The following PPFIA2 variants were observed in gnomAD, a reference collection of about 807,000 sequenced individuals.
The protein encoded by PPFIA2 is liprin-alpha-2.
A neutral mutation model predicts 175.5 loss-of-function variants in PPFIA2; 46 were observed. The ratio of observed to expected loss-of-function variants is 0.26; its 90% confidence interval spans 0.21 to 0.34. The LOEUF (loss-of-function observed/expected upper bound fraction) is 0.34, where lower values mean the gene tolerates loss of function less well. Among genes scored for constraint, PPFIA2 ranks in the 10% least tolerant of loss-of-function variants. The probability of loss-of-function intolerance (pLI) is 1.00; values close to 1 mark genes in which losing one functional copy is unlikely to be tolerated. For missense variants in PPFIA2, 1,179 were observed against 1,506.1 expected (o/e 0.78, Z 3.60); for synonymous variants, 568 against 511.4 (o/e 1.11, Z -1.49).
intron 15 of PPFIA2, among the ~76,000 whole-genome samples, chr12:81,361,348 T>G (rs1369690408): frequency 6.6e-6 from 1 of 151,718 alleles, no homozygotes; most frequent in Middle Eastern, 3.2e-3. Flanking sequence ...ACCATCCTCA[T>G]TATAATCATC....
chr12:81,415,213 ATATATATATATATATATATATATATAT>A (rs2044956665), intron 7 of PPFIA2, among the ~76,000 whole-genome samples: 1 of 20,470 alleles, frequency 4.9e-5, no homozygotes, highest in Non-Finnish European at 9.4e-5. Flanking sequence ...AAAAAAAAAT[ATATATATATATATATATATATATATAT>A]ATATATATAT....
chr12:81,571,817 C>T (rs2072598245), intron 4 of PPFIA2, among the ~76,000 whole-genome samples: 1 of 151,858 alleles, frequency 6.6e-6, no homozygotes, highest in Non-Finnish European at 1.5e-5. Context: ...ATAATTTTGT[C>T]CAATGTGACA....
Position 81,277,429 on chromosome 12 carries a change from A to G in PPFIA2, c.3213-15T>C. On this transcript the variant is annotated splice_polypyrimidine_tract_variant and intron_variant, in intron 27 of 32. Coordinates refer to ENST00000549396, the MANE Select transcript of PPFIA2 (RefSeq NM_003625.5). ...GTAAACTTGTTCTTTTTTTTTTATT[A>G]AAAAAAAAAAAACACAGTGAGTCTA... 1.9e-6 allele frequency: 1 copy of G among 534,316 alleles called. No homozygotes were observed. The highest frequency in any genetic ancestry group is 2.7e-6 in the Non-Finnish European group (1 of 376,916). 33.1% of individuals were successfully genotyped at this position (534,316 alleles called of 1,614,324 possible).
chr12:81,739,212 A>G (rs1270503522), intron 3 of PPFIA2, among the ~76,000 whole-genome samples: 1 of 152,052 alleles, frequency 6.6e-6, no homozygotes, highest in East Asian at 1.9e-4. Context: ...TACATTTTTA[A>G]AAAAACAAAT....
In PPFIA2 at chr12:81,277,298, T is replaced by G; in HGVS notation, c.3310+19A>C. ...AACCCCAGAATAAAGGCATTTCATA[T>G]GAAAGAAAGATATATTACCTTTTAT... On this transcript the variant is annotated intron_variant, in intron 28 of 32. Coordinates refer to ENST00000549396, the MANE Select transcript of PPFIA2 (RefSeq NM_003625.5). The G allele has an allele frequency of 2.0e-6, 3 of 1,520,998 alleles. No homozygotes were observed. The highest frequency in any genetic ancestry group is 2.6e-6 in the Non-Finnish European group (3 of 1,135,640). The allele number at this position is 1,520,998 out of a possible 1,614,324, so 94.2% of individuals were successfully genotyped here. A position where few individuals can be genotyped will look rare whatever the true frequency, so the allele number is the denominator to read the frequency against.
At position 81,676,792 on chromosome 12, in the gene PPFIA2, G is replaced by A. The variant is rs147865064; in HGVS notation, c.302C>T (p.Pro101Leu). The A allele has an allele frequency of 1.5e-4, 227 of 1,553,280 alleles. No individual in the cohort carries two copies. In the East Asian group the frequency reaches 2.7e-3, roughly 19 times the overall value. The change falls in exon 4 of 33, where the codon CCG becomes CTG. Residue 101 changes from proline (P) to leucine (L), a missense_variant and splice_region_variant. Physicochemically the swap from Pro to Leu is moderately conservative, Grantham distance 98 (BLOSUM62 -3). Around this residue, in one of 10 missense-constraint regions of PPFIA2, gnomAD observed 128 missense variants for 141.4 expected, o/e 0.91. Transcript: ENST00000549396. ...AATTTAATGAAGAATCTAACTTACCGGTGGATCAGCCCCCTTAGAACCAGC... is the reference window on the plus strand; with the variant it reads ...AATTTAATGAAGAATCTAACTTACCAGTGGATCAGCCCCCTTAGAACCAGC... ...GLAGSKGADPPEFAALTKELN... is the reference protein window; with the variant it reads ...GLAGSKGADPLEFAALTKELN...
intron 4 of PPFIA2, among the ~76,000 whole-genome samples, chr12:81,467,826 C>G (rs1312944949): frequency 6.6e-6 from 1 of 152,166 alleles, no homozygotes; most frequent in Admixed American, 6.5e-5. Flanking sequence ...ACAAGTCTGA[C>G]CAGAATCCAG....
intron 4 of PPFIA2, among the ~76,000 whole-genome samples, chr12:81,506,847 G>A (rs1174366065): frequency 6.6e-6 from 1 of 152,164 alleles, no homozygotes; most frequent in East Asian, 1.9e-4. Context: ...CAGATAATAT[G>A]TATACAGCAG....
At chr12:81,712,776 A>G (rs1029850988) in intron 3 of PPFIA2, among the ~76,000 whole-genome samples, 9 of 150,548 alleles carry the variant, frequency 6.0e-5, no homozygotes, top group African/African-American at 2.2e-4. Context: ...AATCAAGCAC[A>G]AAAAAAGACT....
intron 3 of PPFIA2, among the ~76,000 whole-genome samples, chr12:81,705,456 C>CAAA (rs58602688): frequency 3.6e-5 from 2 of 55,716 alleles, no homozygotes; most frequent in Non-Finnish European, 8.5e-5. Flanking sequence ...GACTAGGTCT[C>CAAA]AAAAAAAAAA....
chr12:81,489,949 C>T (rs527577842), intron 4 of PPFIA2, among the ~76,000 whole-genome samples: 2 of 151,882 alleles, frequency 1.3e-5, no homozygotes, highest in Non-Finnish European at 2.9e-5. Context: ...AAAGTTCTCT[C>T]TCTGTCCATC....
chr12:81,434,686 A>C (rs907874729), intron 7 of PPFIA2, among the ~76,000 whole-genome samples: 1 of 152,128 alleles, frequency 6.6e-6, no homozygotes, highest in African/African-American at 2.4e-5. Context: ...ACCTTCCAGC[A>C]TTAGTGTACT....
At chr12:81,745,299 T>C (rs993158902) in intron 3 of PPFIA2, among the ~76,000 whole-genome samples, 10 of 152,152 alleles carry the variant, frequency 6.6e-5, no homozygotes, top group Non-Finnish European at 1.3e-4. Context: ...CCCTGAAGTC[T>C]GCACTGGAGG....
In PPFIA2 at chr12:81,668,714, T is replaced by G. The variant is rs552183865; in HGVS notation, c.303+8077A>C. Among the ~76,000 whole-genome samples, 4 of 152,068 alleles carry G rather than the reference T, an allele frequency of 2.6e-5. No homozygotes were observed. In the South Asian group the frequency reaches 8.3e-4, roughly 31 times the overall value. On this transcript the variant is annotated intron_variant, in intron 4 of 32. Transcript: ENST00000549396. The stretch of plus-strand genomic sequence containing the variant: ...AGAGAATAATAGTGGTGATTCATAG[T>G]GGCAGGACTGATGCTGCCATTATTA...
intron 4 of PPFIA2, among the ~76,000 whole-genome samples, chr12:81,591,969 C>T (rs2058724277): frequency 6.6e-6 from 1 of 152,158 alleles, no homozygotes; most frequent in Admixed American, 6.5e-5. Context: ...AGGCACTCAA[C>T]ACTGGCCCAT....
chr12:81,472,176 T>C (rs961551952), intron 4 of PPFIA2, among the ~76,000 whole-genome samples: 3 of 152,116 alleles, frequency 2.0e-5, no homozygotes, highest in Admixed American at 2.0e-4. Context: ...GAAAATGAAT[T>C]AGTGGTTACC....
At chr12:81,290,528 A>G (rs1419079444) in intron 24 of PPFIA2, among the ~76,000 whole-genome samples, 2 of 151,864 alleles carry the variant, frequency 1.3e-5, no homozygotes, top group African/African-American at 2.4e-5. Context: ...CAAGAGGTAC[A>G]TATATTCCGT....
At chr12:81,621,173 G>T (rs1490017068) in intron 4 of PPFIA2, among the ~76,000 whole-genome samples, 1 of 152,138 alleles carries the variant, frequency 6.6e-6, no homozygotes, top group African/African-American at 2.4e-5. Context: ...CAGATATGAG[G>T]TGAGAAAGGG....
At chr12:81,361,557 T>C (rs2030344602) in intron 15 of PPFIA2, among the ~76,000 whole-genome samples, 1 of 151,628 alleles carries the variant, frequency 6.6e-6, no homozygotes, top group Non-Finnish European at 1.5e-5. Context: ...TCAAATATTG[T>C]TTTTCCTTAC....
Sources: allele counts gnomAD v4.1 joint callset (sites outside exome capture counted in the v4.1 genomes callset), GRCh38; gene constraint gnomAD v4.1.1; regional missense constraint gnomAD v4.1.1; transcripts MANE v1.5; gene names NCBI Gene and HGNC (gene_info 2026-07-23, HGNC 2026-07-21).